RORA: variants seen among roughly 807,000 people sequenced by gnomAD.
RORA encodes nuclear receptor ROR-alpha.
RORA carries 7 observed loss-of-function variants against 69.5 expected under a neutral mutation model. The ratio of observed to expected loss-of-function variants is 0.10; its 90% CI spans 0.06 to 0.19. The LOEUF is 0.19. Among genes scored for constraint, RORA ranks in the 10% least tolerant of loss-of-function variants. The pLI, the probability that RORA is intolerant of heterozygous loss-of-function variation, is 1.00. For missense variants in RORA, 457 were observed against 663.0 expected, an observed-to-expected ratio of 0.69 and a Z score of 3.41; for synonymous variants, 261 against 240.8, an observed-to-expected ratio of 1.08 and a Z score of -0.78.
chr15:60,758,825 T>A (rs535432502), intron 1 of RORA, among the ~76,000 whole-genome samples: 271 of 152,296 alleles, frequency 1.8e-3, no homozygotes, highest in Non-Finnish European at 3.2e-3. Context: ...AGCTGATAAC[T>A]CAGATGGATT....
intron 1 of RORA, among the ~76,000 whole-genome samples, chr15:61,093,136 G>A (rs936334359): frequency 6.6e-6 from 1 of 152,142 alleles, no homozygotes; most frequent in African/African-American, 2.4e-5. Context: ...CCTATCTCAT[G>A]TGACTGCAGT....
intron 1 of RORA, among the ~76,000 whole-genome samples, chr15:60,880,746 T>C (rs2073669971): frequency 6.6e-6 from 1 of 152,228 alleles, no homozygotes; most frequent in Non-Finnish European, 1.5e-5. Context: ...GGAGAAAATA[T>C]ATGCATATAG....
chr15:60,803,254 G>A lies in RORA; in HGVS notation c.167-124568C>T, dbSNP rs540604935. 5.9e-5 allele frequency among the ~76,000 whole-genome samples: 9 copies of A among 152,262 alleles called. No homozygotes were observed. The East Asian group carries it at 1.3e-3, about 23-fold the overall frequency. ...TGTTGGCTGAAACCTTGCCTTTCACGTGCACATCCTGAGCTTCGGCCCCTT... is the reference window on the plus strand; with the variant it reads ...TGTTGGCTGAAACCTTGCCTTTCACATGCACATCCTGAGCTTCGGCCCCTT... On this transcript the variant is annotated intron_variant, in intron 1 of 10. Coordinates refer to ENST00000335670, the MANE Select transcript of RORA (RefSeq NM_134261.3).
At chr15:60,629,511 T>G (rs978074093) in intron 2 of RORA, among the ~76,000 whole-genome samples, 1 of 152,216 alleles carries the variant, frequency 6.6e-6, no homozygotes, top group Non-Finnish European at 1.5e-5. Flanking sequence ...TCTCAAATTG[T>G]CTTGCTGTAT....
At chr15:60,603,765 G>T (rs545221135) in intron 2 of RORA, among the ~76,000 whole-genome samples, 1 of 152,154 alleles carries the variant, frequency 6.6e-6, no homozygotes, top group South Asian at 2.1e-4. Context: ...CAATCTTCTC[G>T]CGCTTGAACA....
intron 1 of RORA, among the ~76,000 whole-genome samples, chr15:60,770,683 C>T (rs1446361020): frequency 1.3e-5 from 2 of 152,158 alleles, no homozygotes; most frequent in Non-Finnish European, 2.9e-5. Context: ...TACTCACAGG[C>T]CCAATCATAG....
rs1279997938 is a variant in RORA at position 60,496,920 on chromosome 15, A to ATAT, written c.*532_*534dup. 6.6e-6 allele frequency: 1 copy of ATAT among 152,468 alleles called. No homozygotes were observed. The highest frequency in any genetic ancestry group is 1.5e-5 in the Non-Finnish European group (1 of 68,208). 9.4% of individuals were successfully genotyped at this position (152,468 alleles called of 1,614,324 possible). The stretch of plus-strand genomic sequence containing the variant: ...TCTTCATGCCCATTTACCCTGTAAT[A>ATAT]TATTATAATGCTATTGTTGCTACTG... On this transcript the variant is annotated 3_prime_UTR_variant, in exon 11 of 11. Coordinates refer to ENST00000335670, the MANE Select transcript of RORA (RefSeq NM_134261.3). The surrounding 1 kb of genome is among the most constrained non-coding windows in gnomAD (Gnocchi z 4.5).
chr15:60,592,117 G>T (rs1193384004), intron 2 of RORA, among the ~76,000 whole-genome samples: 1 of 140,986 alleles, frequency 7.1e-6, no homozygotes, highest in Non-Finnish European at 1.5e-5. Flanking sequence ...GGTGCCAAGC[G>T]GACCCAAGAG....
At chr15:61,164,860 G>T (rs1215456780) in intron 1 of RORA, among the ~76,000 whole-genome samples, 15 of 152,286 alleles carry the variant, frequency 9.8e-5, no homozygotes, top group East Asian at 1.9e-4. Context: ...TAATTAGAGA[G>T]CACTTTCCAA....
chr15:60,551,814 G>C (rs1025326257), intron 2 of RORA, among the ~76,000 whole-genome samples: 12 of 152,184 alleles, frequency 7.9e-5, no homozygotes, highest in African/African-American at 2.9e-4. Flanking sequence ...CTGTCCTAAG[G>C]TTACCAAGCT....
chr15:60,705,189 T>C (rs576986767), intron 1 of RORA, among the ~76,000 whole-genome samples: 1 of 151,466 alleles, frequency 6.6e-6, no homozygotes, highest in African/African-American at 2.4e-5. Context: ...ACCTAGGTGG[T>C]TTTTATTGTT....
intron 1 of RORA, among the ~76,000 whole-genome samples, chr15:60,790,833 A>G (rs1465380383): frequency 6.6e-6 from 1 of 152,112 alleles, no homozygotes; most frequent in Non-Finnish European, 1.5e-5. Flanking sequence ...CTTCAATTTC[A>G]CAATTATGCA....
chr15:60,701,082 T>C (rs2070974702), intron 1 of RORA, among the ~76,000 whole-genome samples: 2 of 152,198 alleles, frequency 1.3e-5, no homozygotes, highest in South Asian at 4.1e-4. Flanking sequence ...TTCTCTTGTT[T>C]ACTTGTCTGT....
chr15:61,208,911 TG>T (rs2079965585), intron 1 of RORA, among the ~76,000 whole-genome samples: 1 of 152,260 alleles, frequency 6.6e-6, no homozygotes, highest in Admixed American at 6.5e-5. Flanking sequence ...AGAATGTTTT[TG>T]TGGTATATAT....
intron 1 of RORA, among the ~76,000 whole-genome samples, chr15:60,723,189 T>C (rs1051648393): frequency 2.6e-5 from 4 of 152,202 alleles, no homozygotes; most frequent in African/African-American, 9.7e-5. Context: ...CAAAACTAGA[T>C]TTTATAAAAA....
At position 60,534,204 on chromosome 15, in the gene RORA, A is replaced by T. The variant is rs1047430527; in HGVS notation, c.197-2353T>A. 6.6e-6 allele frequency among the ~76,000 whole-genome samples: 1 copy of T among 152,194 alleles called. No individual in the cohort carries two copies. Among genetic ancestry groups the T allele is most frequent in the African/African-American group, 2.4e-5 (1 of 41,446 alleles). On this transcript the variant is annotated intron_variant, in intron 2 of 10. Coordinates refer to ENST00000335670, the MANE Select transcript of RORA (RefSeq NM_134261.3). The surrounding 1 kb of genome is among the most constrained non-coding windows in gnomAD (Gnocchi z 5.0). Reference sequence around the variant, plus strand: ...GCCTGCCTGGCACGGAGGTCTGCTCATGATGGGGGTGGCCTTGGGAGTACT... The same window carrying T: ...GCCTGCCTGGCACGGAGGTCTGCTCTTGATGGGGGTGGCCTTGGGAGTACT...
chr15:60,719,827 G>C (rs2071269465), intron 1 of RORA, among the ~76,000 whole-genome samples: 4 of 152,164 alleles, frequency 2.6e-5, no homozygotes, highest in African/African-American at 9.7e-5. Flanking sequence ...GGAGGTGCTT[G>C]GGTACCGGAA....
chr15:61,179,672 T>G (rs985344376), intron 1 of RORA, among the ~76,000 whole-genome samples: 23 of 152,166 alleles, frequency 1.5e-4, no homozygotes, highest in African/African-American at 5.5e-4. Flanking sequence ...ACGCCTGACA[T>G]ATAGTAAATG....
chr15:61,031,949 G>T (rs1054578293), intron 1 of RORA, among the ~76,000 whole-genome samples: 1 of 152,140 alleles, frequency 6.6e-6, no homozygotes, highest in Non-Finnish European at 1.5e-5. Context: ...GAAGATATAT[G>T]TTCCTCCTAC....
Sources: allele counts gnomAD v4.1 joint callset (sites outside exome capture counted in the v4.1 genomes callset), GRCh38; gene constraint gnomAD v4.1.1; non-coding constraint Gnocchi (gnomAD v3.1); transcripts MANE v1.5; gene names NCBI Gene and HGNC (gene_info 2026-07-23, HGNC 2026-07-21).